PTPRT: variants seen among roughly 807,000 people sequenced by gnomAD.
The protein encoded by PTPRT is protein tyrosine phosphatase receptor type T, also known as receptor-type tyrosine-protein phosphatase T.
In PTPRT, 56 loss-of-function variants were observed where a neutral mutation model predicts 176.8. The observed-to-expected ratio is 0.32, with a 90% CI of 0.26 to 0.40. The LOEUF (loss-of-function observed/expected upper bound fraction) is 0.40. PTPRT is among the 10% of genes least tolerant of loss of function. PTPRT has a pLI of 1.00. For missense variants in PTPRT, 1,540 were observed against 1,908.2 expected, an observed-to-expected ratio of 0.81 and a Z score of 3.60; for synonymous variants, 783 against 739.0, an observed-to-expected ratio of 1.06 and a Z score of -0.96.
chr20:42,734,007 C>T (rs2076500941), intron 6 of PTPRT, among the ~76,000 whole-genome samples: 1 of 152,202 alleles, frequency 6.6e-6, no homozygotes, highest in Admixed American at 6.5e-5. Flanking sequence ...ACCCTGAAGC[C>T]ATGTCTCCCA....
At chr20:43,066,402 A>T (rs2011112471) in intron 1 of PTPRT, among the ~76,000 whole-genome samples, 1 of 152,182 alleles carries the variant, frequency 6.6e-6, no homozygotes, top group Non-Finnish European at 1.5e-5. Flanking sequence ...CCGTCTTTTA[A>T]AATGAGATTA....
intron 1 of PTPRT, among the ~76,000 whole-genome samples, chr20:43,126,057 T>C (rs1449370029): frequency 6.6e-6 from 1 of 152,116 alleles, no homozygotes. Context: ...TGCTTAAAGA[T>C]GAAAAGAAAG....
chr20:42,984,333 A>ACT (rs1363227973), intron 1 of PTPRT, among the ~76,000 whole-genome samples: 1 of 152,232 alleles, frequency 6.6e-6, no homozygotes, highest in Non-Finnish European at 1.5e-5. Flanking sequence ...ACAGACAGAA[A>ACT]AAGTCCTGAA....
rs185167702 is a variant in PTPRT at position 42,943,360 on chromosome 20, A to T, written c.89-57428T>A. Among the ~76,000 whole-genome samples, 11 of 152,312 alleles carry T rather than the reference A, an allele frequency of 7.2e-5. No homozygotes were observed. In the East Asian group the frequency reaches 1.9e-3, roughly 27 times the overall value. On this transcript the variant is annotated intron_variant, in intron 1 of 30. Coordinates refer to ENST00000373187, the MANE Select transcript of PTPRT (RefSeq NM_007050.6). Reference sequence around the variant, plus strand: ...ACCATTTTTGGGGATTGGCTTGTGAAGGGATACGCACGCAGAGCCTTCGGG... The same window carrying T: ...ACCATTTTTGGGGATTGGCTTGTGATGGGATACGCACGCAGAGCCTTCGGG...
At chr20:42,577,295 T>C (rs2073277550) in intron 7 of PTPRT, among the ~76,000 whole-genome samples, 1 of 152,120 alleles carries the variant, frequency 6.6e-6, no homozygotes, top group Non-Finnish European at 1.5e-5. Context: ...AAAATGGCCA[T>C]GCAGGTGCCA....
chr20:42,462,116 T>C (rs887324559), intron 8 of PTPRT, among the ~76,000 whole-genome samples: 1 of 152,066 alleles, frequency 6.6e-6, no homozygotes, highest in Non-Finnish European at 1.5e-5. Context: ...GTCAAATATG[T>C]GGGCAACATG....
At chr20:42,461,884 AT>A (rs2071026772) in intron 8 of PTPRT, among the ~76,000 whole-genome samples, 1 of 151,712 alleles carries the variant, frequency 6.6e-6, no homozygotes, top group East Asian at 1.9e-4. Context: ...TTTTTTTTTA[AT>A]CTTTTTAAAG....
At chr20:42,691,808 C>G (rs1247295932) in intron 6 of PTPRT, among the ~76,000 whole-genome samples, 3 of 152,152 alleles carry the variant, frequency 2.0e-5, no homozygotes, top group Admixed American at 6.5e-5. Context: ...CAGATGGACG[C>G]TGGGCTCCAA....
Position 42,489,506 on chromosome 20 carries a change from C to CT in PTPRT, c.1154-16945dup, listed in dbSNP as rs10708331. On this transcript the variant is annotated intron_variant, in intron 7 of 30. Coordinates refer to ENST00000373187, the MANE Select transcript of PTPRT (RefSeq NM_007050.6). ...CTCGAGCATACCTAGCCTATCCTGA[C>CT]TTTTTTTTTTTTAATTTATTTTATC... is the stretch of plus-strand genomic sequence containing the variant. Among the ~76,000 whole-genome samples, 261 of 147,248 alleles carry CT rather than the reference C, an allele frequency of 1.8e-3. 1 individual carries two copies. Among genetic ancestry groups the CT allele is most frequent in the African/African-American group, 5.2e-3 (209 of 40,546 alleles).
intron 15 of PTPRT, among the ~76,000 whole-genome samples, chr20:42,215,026 A>G (rs542233874): frequency 3.0e-4 from 45 of 152,368 alleles, no homozygotes. Flanking sequence ...TATAATTATG[A>G]AAGTACTTAA....
chr20:42,954,111 G>A (rs1051239248), intron 1 of PTPRT, among the ~76,000 whole-genome samples: 2 of 152,026 alleles, frequency 1.3e-5, no homozygotes, highest in Non-Finnish European at 2.9e-5. Flanking sequence ...GTGGGCCCTC[G>A]ACTCTGCACA....
chr20:42,455,518 T>G (rs762885864), intron 8 of PTPRT, among the ~76,000 whole-genome samples: 8 of 152,182 alleles, frequency 5.3e-5, no homozygotes, highest in Non-Finnish European at 1.2e-4. Context: ...TAAGAAACAC[T>G]TTCTCTATCC....
chr20:42,032,738 C>A, the PTPRT span, among the ~76,000 whole-genome samples: 4 of 152,170 alleles, frequency 2.6e-5, no homozygotes, highest in African/African-American at 7.2e-5. Flanking sequence ...CTCTATCTCT[C>A]TTGCTCTTGC....
intron 7 of PTPRT, among the ~76,000 whole-genome samples, chr20:42,614,228 G>A (rs1276689937): frequency 6.6e-6 from 1 of 152,100 alleles, no homozygotes; most frequent in Non-Finnish European, 1.5e-5. Context: ...GCATGGCTCT[G>A]TCTAAACTTC....
rs183578549 is a variant in PTPRT, at chr20:42,818,099, A to C, written c.215-26633T>G. On this transcript the variant is annotated intron_variant, in intron 2 of 30. Transcript: ENST00000373187. Reference sequence around the variant, plus strand: ...TCCAACAGGGGTTGTCAGATACCCTATACAGGAGCAACCCTACTGGCATCA... The same window carrying C: ...TCCAACAGGGGTTGTCAGATACCCTCTACAGGAGCAACCCTACTGGCATCA... Among the ~76,000 whole-genome samples, 405 of 152,258 alleles carry C rather than the reference A, an allele frequency of 2.7e-3. 5 individuals are homozygous for C. Among genetic ancestry groups the C allele is most frequent in the Admixed American group, 0.024 (369 of 15,298 alleles).
chr20:43,090,470 G>C (rs545234259), intron 1 of PTPRT, among the ~76,000 whole-genome samples: 1 of 151,950 alleles, frequency 6.6e-6, no homozygotes, highest in African/African-American at 2.4e-5. Context: ...GGGTTTCACC[G>C]TTTTAGCCAG....
chr20:43,089,838 A>C (rs1399257727), intron 1 of PTPRT, among the ~76,000 whole-genome samples: 1 of 152,202 alleles, frequency 6.6e-6, no homozygotes, highest in East Asian at 1.9e-4. Context: ...CCCAGGCTGA[A>C]ACAGGAAATA....
intron 7 of PTPRT, among the ~76,000 whole-genome samples, chr20:42,544,699 C>T (rs2072643328): frequency 6.6e-6 from 1 of 152,220 alleles, no homozygotes; most frequent in Non-Finnish European, 1.5e-5. Context: ...TGTGAGAATG[C>T]AGGCACCAAA....
At chr20:42,303,896 A>T (rs560661325) in intron 12 of PTPRT, among the ~76,000 whole-genome samples, 2 of 152,198 alleles carry the variant, frequency 1.3e-5, no homozygotes, top group Non-Finnish European at 2.9e-5. Context: ...GATAGGAAAG[A>T]TGCAGGAATA....
Sources: allele counts gnomAD v4.1 joint callset (sites outside exome capture counted in the v4.1 genomes callset), GRCh38; gene constraint gnomAD v4.1.1; transcripts MANE v1.5; gene names NCBI Gene and HGNC (gene_info 2026-07-23, HGNC 2026-07-21).